The following ATP6V0A4 variants were observed in gnomAD, a reference collection of about 807,000 sequenced individuals.
The protein encoded by ATP6V0A4 is ATPase H+ transporting V0 subunit a4, also known as V-type proton ATPase 116 kDa subunit a 4.
ATP6V0A4 carries 86 observed loss-of-function variants against 107.3 expected under a neutral mutation model. The observed-to-expected ratio is 0.80, with a 90% CI of 0.67 to 0.96. The LOEUF is 0.96. Ranked by LOEUF, ATP6V0A4 falls within the 40% of genes least tolerant of loss-of-function variation. The pLI is 0.00. For missense variants in ATP6V0A4, 908 were observed against 1,045.6 expected, an observed-to-expected ratio of 0.87 and a Z score of 1.81; for synonymous variants, 353 against 381.4, an observed-to-expected ratio of 0.93 and a Z score of 0.87.
intron 2 of ATP6V0A4, among the ~76,000 whole-genome samples, chr7:138,775,526 G>T (rs549482566): frequency 1.3e-5 from 2 of 152,172 alleles, no homozygotes; most frequent in South Asian, 4.2e-4. Context: ...GTCCAGGCTG[G>T]AGTGTGGTGG....
intron 2 of ATP6V0A4, among the ~76,000 whole-genome samples, chr7:138,772,660 C>T (rs895672979): frequency 1.3e-5 from 2 of 152,182 alleles, no homozygotes; most frequent in Non-Finnish European, 2.9e-5. Flanking sequence ...CAAAGTTTAA[C>T]TGTGAAACTG....
intron 2 of ATP6V0A4, among the ~76,000 whole-genome samples, chr7:138,775,303 C>G (rs1220804077): frequency 6.6e-6 from 1 of 152,106 alleles, no homozygotes; most frequent in Non-Finnish European, 1.5e-5. Flanking sequence ...AAGCAAATCC[C>G]ATACATCATA....
In ATP6V0A4 at chr7:138,730,933, T is replaced by TCTTCTTCTTC. The variant is rs200188315; in HGVS notation, c.1908+1943_1908+1944insGAAGAAGAAG. Among the ~76,000 whole-genome samples, 1,164 of 134,660 alleles carry TCTTCTTCTTC rather than the reference T, an allele frequency of 8.6e-3. 40 individuals are homozygous for TCTTCTTCTTC. Among genetic ancestry groups the TCTTCTTCTTC allele is most frequent in the African/African-American group, 0.037 (1,099 of 29,414 alleles). 88.3% of individuals were successfully genotyped at this position (134,660 alleles called of 152,430 possible). On this transcript the variant is annotated intron_variant, in intron 17 of 21. Coordinates refer to ENST00000310018, the MANE Select transcript of ATP6V0A4 (RefSeq NM_020632.3). ...AGGCATTTTTTCTTCTTCTTCTTCT[T>TCTTCTTCTTC]TTTTTATTTTTTTTTTTGAGACAGA...
At chr7:138,789,588 A>G (rs1034894478) in intron 1 of ATP6V0A4, among the ~76,000 whole-genome samples, 1 of 151,800 alleles carries the variant, frequency 6.6e-6, no homozygotes, top group East Asian at 1.9e-4. Flanking sequence ...CCTGATATTG[A>G]ACATTTTTCC....
At chr7:138,731,757 G>A (rs1043069466) in intron 17 of ATP6V0A4, among the ~76,000 whole-genome samples, 1 of 152,058 alleles carries the variant, frequency 6.6e-6, no homozygotes, top group Non-Finnish European at 1.5e-5. Context: ...GCCAGGCCTG[G>A]TGGCAGGTGC....
At chr7:138,781,750 T>C (rs988630790) in intron 2 of ATP6V0A4, among the ~76,000 whole-genome samples, 1 of 152,190 alleles carries the variant, frequency 6.6e-6, no homozygotes, top group Non-Finnish European at 1.5e-5. Flanking sequence ...TCCAGTATGA[T>C]GTGAAATGGA....
In ATP6V0A4 at chr7:138,706,476, G is replaced by T; in HGVS notation, c.*148C>A. On this transcript the variant is annotated 3_prime_UTR_variant, in exon 22 of 22. Transcript: ENST00000310018. The stretch of plus-strand genomic sequence containing the variant: ...GTGGTTAAGTCGTATCAAATCCACA[G>T]GCTGACGTCCAAATAATACACAGTT... 2 of 988,538 alleles carry T rather than the reference G, an allele frequency of 2.0e-6. No individual in the cohort carries two copies. Among genetic ancestry groups the T allele is most frequent in the African/African-American group, 1.6e-5 (1 of 62,356 alleles). 61.2% of individuals were successfully genotyped at this position (988,538 alleles called of 1,614,324 possible).
intron 18 of ATP6V0A4, among the ~76,000 whole-genome samples, chr7:138,727,123 A>T (rs1200510738): frequency 1.8e-5 from 2 of 112,214 alleles, no homozygotes; most frequent in Non-Finnish European, 3.7e-5. Context: ...AAAAAAAAAA[A>T]AAAAAAAAAA....
chr7:138,792,637 A>T (rs922584984), intron 1 of ATP6V0A4, among the ~76,000 whole-genome samples: 2 of 152,064 alleles, frequency 1.3e-5, no homozygotes, highest in African/African-American at 4.8e-5. Context: ...TCACTCTGTC[A>T]CCCAGTCTGG....
At chr7:138,735,636 A>G (rs997211679) in intron 15 of ATP6V0A4, among the ~76,000 whole-genome samples, 1 of 152,000 alleles carries the variant, frequency 6.6e-6, no homozygotes, top group Non-Finnish European at 1.5e-5. Flanking sequence ...AGGTGCCCAG[A>G]CCCCAGAGAT....
chr7:138,759,363 G>T (rs914322655), intron 8 of ATP6V0A4, among the ~76,000 whole-genome samples: 1 of 152,006 alleles, frequency 6.6e-6, no homozygotes, highest in Admixed American at 6.6e-5. Flanking sequence ...CCTGGAATTT[G>T]CATTTTAACA....
chr7:138,740,265 C>G (rs1805558710), intron 14 of ATP6V0A4, among the ~76,000 whole-genome samples: 2 of 151,962 alleles, frequency 1.3e-5, no homozygotes, highest in South Asian at 4.2e-4. Flanking sequence ...GAAGTCTCCC[C>G]AGGGAACACT....
intron 2 of ATP6V0A4, among the ~76,000 whole-genome samples, chr7:138,776,595 T>C (rs1460488457): frequency 6.6e-6 from 1 of 152,202 alleles, no homozygotes. Context: ...CATCTTGCTC[T>C]TCCCCAAGGC....
chr7:138,771,358 G>A, intron 2 of ATP6V0A4, 94 bp from the exon 3 acceptor site: 3 of 1,410,708 alleles, frequency 2.1e-6, no homozygotes, highest in Non-Finnish European at 2.9e-6. Context: ...AAATCTAACA[G>A]GGAAAAAAAA....
rs1053527135 is a variant in ATP6V0A4, at chr7:138,786,207, A to C, written c.-67T>G. The C allele has an allele frequency of 6.6e-6, 1 of 152,250 alleles. No individual in the cohort carries two copies. Among genetic ancestry groups the C allele is most frequent in the African/African-American group, 2.4e-5 (1 of 41,448 alleles). The allele number at this position is 152,250 out of a possible 1,614,324, so 9.4% of individuals were successfully genotyped here. On this transcript the variant is annotated 5_prime_UTR_variant, in exon 2 of 22. It removes an upstream start codon present in the reference 5' UTR. Coordinates refer to ENST00000310018, the MANE Select transcript of ATP6V0A4 (RefSeq NM_020632.3). ...TCTCTTCAGAGAAAAGCTGCTTTAC[A>C]TTCCTTTCATTCCTGTCTTCACTTG...
rs762623322 is a variant in ATP6V0A4, at chr7:138,752,641, G to A, written c.1013C>T (p.Ala338Val). Residue 338 changes from alanine (A) to valine (V), a missense_variant, in exon 11 of 22, where the codon GCA becomes GTA. Ala to Val is a moderately conservative substitution (Grantham distance 64). Coordinates refer to ENST00000310018, the MANE Select transcript of ATP6V0A4 (RefSeq NM_020632.3). ...PVADATRIKR[A>V]LEQGMELSGS... is the part of the protein sequence containing the mutation. ...GCCACGCACCATGCCTTGCTCCAGT[G>A]CCCTCTTGATACGTGTGGCATCTGC... The A allele has an allele frequency of 1.2e-6, 2 of 1,613,480 alleles. No homozygotes were observed. The highest frequency in any genetic ancestry group is 3.3e-5 in the Admixed American group (2 of 60,012).
intron 21 of ATP6V0A4, among the ~76,000 whole-genome samples, chr7:138,707,371 A>G (rs1472947038): frequency 3.0e-5 from 3 of 99,726 alleles, no homozygotes; most frequent in Admixed American, 1.8e-4. Context: ...TATTATATAT[A>G]TATTTATATA....
At chr7:138,784,082 T>C (rs1808035554) in intron 2 of ATP6V0A4, among the ~76,000 whole-genome samples, 1 of 151,726 alleles carries the variant, frequency 6.6e-6, no homozygotes, top group Non-Finnish European at 1.5e-5. Context: ...TCCAATCCAC[T>C]CTTGCAGAAA....
At chr7:138,707,157 T>TTG (rs1803424362) in intron 21 of ATP6V0A4, among the ~76,000 whole-genome samples, 1 of 81,670 alleles carries the variant, frequency 1.2e-5, no homozygotes, top group South Asian at 3.0e-4. Context: ...TATATTAATA[T>TTG]ATAATATATT....
Sources: gnomAD v4.1 joint callset for allele counts (sites outside exome capture counted in the v4.1 genomes callset) on GRCh38, gnomAD v4.1.1 for gene constraint, MANE v1.5 for transcripts, NCBI Gene and HGNC (gene_info 2026-07-23, HGNC 2026-07-21) for gene names.